EIF2S3B: variants seen among roughly 807,000 people sequenced by gnomAD.
EIF2S3B encodes eukaryotic translation initiation factor 2 subunit 3B.
Under a neutral mutation model 26.4 loss-of-function variants are expected in EIF2S3B, and 16 were observed. The observed-to-expected ratio is 0.61, with a 90% CI of 0.41 to 0.92. EIF2S3B has a LOEUF of 0.92. Ranked by LOEUF, EIF2S3B falls within the 40% of genes least tolerant of loss-of-function variation. EIF2S3B has a pLI of 0.00. For missense variants in EIF2S3B, 510 were observed against 575.5 expected (o/e 0.89, Z 1.16); for synonymous variants, 183 against 204.4 (o/e 0.90, Z 0.89).
downstream of EIF2S3B, among the ~76,000 whole-genome samples, chr12:10,511,728 A>G (rs1049046372): frequency 7.9e-5 from 12 of 152,144 alleles, no homozygotes; most frequent in African/African-American, 2.7e-4. Context: ...ATTTGTCTCT[A>G]TGTTGAAGTT....
chr12:10,519,571 C>A (rs890574434), intron 1 of EIF2S3B, among the ~76,000 whole-genome samples: 2 of 152,048 alleles, frequency 1.3e-5, no homozygotes, highest in African/African-American at 4.8e-5. Flanking sequence ...AGTGAACAGG[C>A]AACCTACAAA....
chr12:10,507,147 G>A lies in EIF2S3B; in HGVS notation c.1245G>A (p.Gly415=). The change falls in exon 1 of 1, where the codon GGG becomes GGA. Residue 415 remains glycine, a synonymous_variant. Coordinates refer to ENST00000538173, the MANE Select transcript of EIF2S3B (RefSeq NM_001357734.3). ...ACATAGGATCCCTGTCGACAGGAGG[G>A]AGAGTTAGTGCTGTCAAGGCCGATT... The part of the protein sequence containing the change: ...MVNIGSLSTG[G]RVSAVKADLG... 4.3e-6 allele frequency: 7 copies of A among 1,613,850 alleles called. No homozygotes were observed. Among genetic ancestry groups the A allele is most frequent in the Non-Finnish European group, 5.9e-6 (7 of 1,179,716 alleles).
chr12:10,513,924 A>G (rs1864729570), intron 1 of EIF2S3B, among the ~76,000 whole-genome samples: 1 of 152,186 alleles, frequency 6.6e-6, no homozygotes, highest in African/African-American at 2.4e-5. Context: ...CTGAGACAGG[A>G]GAATCACTTG....
chr12:10,517,766 G>A (rs899582129), intron 1 of EIF2S3B, among the ~76,000 whole-genome samples: 1 of 152,112 alleles, frequency 6.6e-6, no homozygotes, highest in East Asian at 1.9e-4. Context: ...AAATTTCCCT[G>A]TACACACTGC....
rs1419439971 is a variant in EIF2S3B at position 10,506,045 on chromosome 12, G to A, written c.143G>A (p.Gly48Asp). 3.1e-6 allele frequency: 5 copies of A among 1,603,470 alleles called. No individual in the cohort carries two copies. The highest frequency in any genetic ancestry group is 1.7e-5 in the Admixed American group (1 of 60,022). ...RQATINIGTIGHVAHGKSTVV... is the reference protein window; with the variant it reads ...RQATINIGTIDHVAHGKSTVV... Reference sequence around the variant, plus strand: ...GCCACAATTAATATAGGTACAATTGGTCATGTAGCTCATGGGAAATCCACA... The same window carrying A: ...GCCACAATTAATATAGGTACAATTGATCATGTAGCTCATGGGAAATCCACA... Residue 48 changes from glycine to aspartate, a missense_variant, in exon 1 of 1, where the codon GGT (glycine) becomes GAT (aspartate). Transcript: ENST00000538173.
rs968217250 is a variant in EIF2S3B, at chr12:10,508,466, TATA to T, written c.*1149_*1151del. ...ACTGTTATATGATTGTGACACAGAT[TATA>T]ATATTACTAATTTTTGGATGTTTCA... On this transcript the variant is annotated 3_prime_UTR_variant, in exon 1 of 1. Transcript: ENST00000538173. Among the ~76,000 whole-genome samples, 6 of 144,540 alleles carry T rather than the reference TATA, an allele frequency of 4.2e-5. No individual in the cohort carries two copies. Among genetic ancestry groups the T allele is most frequent in the African/African-American group, 1.3e-4 (5 of 38,632 alleles). The allele number at this position is 144,540 out of a possible 152,430, so 94.8% of individuals were successfully genotyped here.
At chr12:10,508,525 C>CAAAAAAAAAAAAAA, downstream of EIF2S3B, among the ~76,000 whole-genome samples, 2 of 62,972 alleles carry the variant, frequency 3.2e-5, no homozygotes, top group African/African-American at 5.5e-5. Context: ...TGTTAGAAAG[C>CAAAAAAAAAAAAAA]AAAAAAAAAA....
intron 1 of EIF2S3B, among the ~76,000 whole-genome samples, chr12:10,519,008 C>T (rs1864798390): frequency 6.6e-6 from 1 of 150,632 alleles, no homozygotes; most frequent in Non-Finnish European, 1.5e-5. Context: ...GAAAAAACTA[C>T]TTTAAAGTTC....
chr12:10,521,112 G>C (rs1193243568), intron 1 of EIF2S3B, among the ~76,000 whole-genome samples: 1 of 152,080 alleles, frequency 6.6e-6, no homozygotes, highest in African/African-American at 2.4e-5. Flanking sequence ...AACATTTAGT[G>C]CCTGTATTAG....
rs569083261 is a variant in EIF2S3B at position 10,506,879 on chromosome 12, A to G, written c.977A>G (p.Asn326Ser). Residue 326 changes from asparagine (N) to serine (S), a missense_variant, in exon 1 of 1, where the codon AAT (asparagine) becomes AGT (serine). Transcript: ENST00000538173. ...ATTGTTTCACTTTTTGCGGAGCATA[A>G]TGATCTGCAATATGCTGCTCCAGGC... ...SKIVSLFAEH[N>S]DLQYAAPGGL... 1 of 1,613,650 alleles carries G rather than the reference A, an allele frequency of 6.2e-7. No individual in the cohort carries two copies. Among genetic ancestry groups the G allele is most frequent in the African/African-American group, 1.3e-5 (1 of 75,034 alleles).
Position 10,507,558 on chromosome 12 carries a change from C to T in EIF2S3B, c.*237C>T, listed in dbSNP as rs191048779. On this transcript the variant is annotated 3_prime_UTR_variant, in exon 1 of 1. Transcript: ENST00000538173. ...AATCTACATTTTGGCAGAAGTTAAG[C>T]ATTCCCACATAATGTCAAAATTATA... 3.8e-3 allele frequency: 2,271 copies of T among 592,032 alleles called. 6 individuals are homozygous for T. Among genetic ancestry groups the T allele is most frequent in the Middle Eastern group, 9.8e-3 (22 of 2,246 alleles). The allele number at this position is 592,032 out of a possible 1,614,324, so 36.7% of individuals were successfully genotyped here.
chr12:10,518,783 C>T (rs907463035), intron 1 of EIF2S3B, among the ~76,000 whole-genome samples: 2 of 151,482 alleles, frequency 1.3e-5, no homozygotes, highest in African/African-American at 4.9e-5. Flanking sequence ...AATAAAATAC[C>T]TAGGAATCCA....
downstream of EIF2S3B, among the ~76,000 whole-genome samples, chr12:10,511,447 G>A (rs1027639809): frequency 6.6e-6 from 1 of 151,994 alleles, no homozygotes; most frequent in Non-Finnish European, 1.5e-5. Flanking sequence ...ATGAGCTACC[G>A]CACCTGGCAT....
chr12:10,506,059 G>A lies in EIF2S3B; in HGVS notation c.157G>A (p.Gly53Arg). ...NIGTIGHVAH[G>R]KSTVVKAISG... ...AGGTACAATTGGTCATGTAGCTCATGGGAAATCCACAGTCGTCAAAGCTAT... is the reference window on the plus strand; with the variant it reads ...AGGTACAATTGGTCATGTAGCTCATAGGAAATCCACAGTCGTCAAAGCTAT... The change falls in exon 1 of 1, where the codon GGG becomes AGG. Residue 53 changes from glycine to arginine, a missense_variant. Physicochemically the swap from Gly to Arg is moderately radical, Grantham distance 125. Transcript: ENST00000538173. The A allele has an allele frequency of 6.2e-7, 1 of 1,602,402 alleles. No individual in the cohort carries two copies. The highest frequency in any genetic ancestry group is 8.6e-7 in the Non-Finnish European group (1 of 1,169,276).
rs778551063 is a variant in EIF2S3B at position 10,506,855 on chromosome 12, T to C, written c.953T>C (p.Ile318Thr). Residue 318 changes from isoleucine to threonine, a missense_variant, in exon 1 of 1, where the codon ATT becomes ACT. Ile to Thr is a moderately conservative substitution (Grantham distance 89). Coordinates refer to ENST00000538173, the MANE Select transcript of EIF2S3B (RefSeq NM_001357734.3). ...KLMCKSIFSK[I>T]VSLFAEHNDL... ...ATGTGTAAATCAATCTTTTCCAAAA[T>C]TGTTTCACTTTTTGCGGAGCATAAT... 4.3e-6 allele frequency: 7 copies of C among 1,613,616 alleles called. No homozygotes were observed. The highest frequency in any genetic ancestry group is 5.9e-6 in the Non-Finnish European group (7 of 1,179,504).
downstream of EIF2S3B, among the ~76,000 whole-genome samples, chr12:10,512,199 G>A (rs1393821088): frequency 1.3e-5 from 2 of 152,084 alleles, no homozygotes; most frequent in East Asian, 1.9e-4. Context: ...ACATAGTGCA[G>A]CACTTTATAA....
chr12:10,510,171 C>T (rs988995505), downstream of EIF2S3B, among the ~76,000 whole-genome samples: 1 of 152,098 alleles, frequency 6.6e-6, no homozygotes, highest in African/African-American at 2.4e-5. Context: ...AATGAGAGGA[C>T]ATCAGGGCTA....
intron 1 of EIF2S3B, among the ~76,000 whole-genome samples, chr12:10,522,113 G>A (rs1440643275): frequency 6.6e-6 from 1 of 152,156 alleles, no homozygotes; most frequent in Non-Finnish European, 1.5e-5. Flanking sequence ...AAAGGTGTTT[G>A]TATTTTTATT....
downstream of EIF2S3B, among the ~76,000 whole-genome samples, chr12:10,510,857 T>A (rs1028932120): frequency 1.3e-5 from 2 of 152,118 alleles, no homozygotes; most frequent in Non-Finnish European, 2.9e-5. Flanking sequence ...AAAGTGAATA[T>A]ATGGCAATTA....
Sources: gnomAD v4.1 joint callset for allele counts (sites outside exome capture counted in the v4.1 genomes callset) on GRCh38, gnomAD v4.1.1 for gene constraint, MANE v1.5 for transcripts, NCBI Gene and HGNC (gene_info 2026-07-23, HGNC 2026-07-21) for gene names.